POLR1B: variants seen among roughly 807,000 people sequenced by gnomAD.
POLR1B encodes RNA polymerase I subunit B.
In POLR1B, 30 loss-of-function variants were observed where a neutral mutation model predicts 105.8. The ratio of observed to expected loss-of-function variants is 0.28; its 90% CI spans 0.21 to 0.38. The LOEUF (loss-of-function observed/expected upper bound fraction) is 0.38. Among genes scored for constraint, POLR1B ranks in the 10% least tolerant of loss-of-function variants. The probability of loss-of-function intolerance (pLI) is 1.00; values close to 1 mark genes in which losing one functional copy is unlikely to be tolerated. For missense variants in POLR1B, 976 were observed against 1,435.8 expected (o/e 0.68, Z 5.17); for synonymous variants, 485 against 505.1 (o/e 0.96, Z 0.53).
intron 1 of POLR1B, among the ~76,000 whole-genome samples, chr2:112,544,129 A>T (rs187532146): frequency 1.9e-4 from 29 of 151,922 alleles, no homozygotes; most frequent in Admixed American, 1.8e-3. Flanking sequence ...GAAAAGCACT[A>T]ATTTAAAAAT....
At chr2:112,561,586 C>T (rs1300301855) in intron 9 of POLR1B, among the ~76,000 whole-genome samples, 2 of 151,992 alleles carry the variant, frequency 1.3e-5, no homozygotes, top group East Asian at 3.9e-4. Context: ...CTTCAAGCCT[C>T]GGGTTACAAC....
Position 112,573,574 on chromosome 2 carries a change from G to C in POLR1B, c.2284G>C (p.Ala762Pro). Reference sequence around the variant, plus strand: ...TTTTACTTCACAGATTGTGAATAAGGCCTCTTGGGAACGAGGCTTTGCCCA... The same window carrying C: ...TTTTACTTCACAGATTGTGAATAAGCCCTCTTGGGAACGAGGCTTTGCCCA... ...DMEDAMIVNK[A>P]SWERGFAHGS... The change falls in exon 14 of 15, where the codon GCC (alanine) becomes CCC (proline). Residue 762 changes from alanine to proline, a missense_variant. By Grantham distance (27) the Ala-to-Pro change is conservative (BLOSUM62 -1). This residue lies in a region of POLR1B where 119 missense variants were observed against 149.7 expected (regional missense o/e 0.79). Coordinates refer to ENST00000263331, the MANE Select transcript of POLR1B (RefSeq NM_019014.6). 3 of 1,613,552 alleles carry C rather than the reference G, an allele frequency of 1.9e-6. No individual in the cohort carries two copies. Among genetic ancestry groups the C allele is most frequent in the Non-Finnish European group, 2.5e-6 (3 of 1,179,800 alleles).
intron 1 of POLR1B, 47 bp from the exon 2 acceptor site, chr2:112,546,965 A>C (rs1313630510): frequency 6.3e-7 from 1 of 1,590,922 alleles, no homozygotes; most frequent in Admixed American, 1.7e-5. Flanking sequence ...TTAGAGAAAA[A>C]ATGCCTTGGA....
intron 1 of POLR1B, among the ~76,000 whole-genome samples, chr2:112,546,778 T>C (rs1422052662): frequency 6.6e-6 from 1 of 151,872 alleles, no homozygotes; most frequent in Non-Finnish European, 1.5e-5. Context: ...TTAGCCAGGA[T>C]GGTCTCGATC....
chr2:112,564,237 T>G, intron 9 of POLR1B, 129 bp from the exon 10 acceptor site: 1 of 1,106,222 alleles, frequency 9.0e-7, no homozygotes, highest in Non-Finnish European at 1.3e-6. Context: ...ATAATGCCTG[T>G]ACCTGTTTTA....
At position 112,568,799 on chromosome 2, in the gene POLR1B, A is replaced by G; in HGVS notation, c.1971A>G (p.Thr657=). 3 of 1,614,112 alleles carry G rather than the reference A, an allele frequency of 1.9e-6. No individual in the cohort carries two copies. Among genetic ancestry groups the G allele is most frequent in the Non-Finnish European group, 2.5e-6 (3 of 1,179,984 alleles). ...FEDEVFAGVT[T]HQELFPHSLL... ...ATGAAGTTTTTGCTGGAGTTACCAC[A>G]CACCAGGAACTCTTTCCACACAGCC... Residue 657 remains threonine, a synonymous_variant, in exon 12 of 15, where the codon ACA becomes ACG. Transcript: ENST00000263331.
intron 5 of POLR1B, 66 bp downstream of exon 5, chr2:112,551,068 T>C (rs914409504): frequency 2.1e-6 from 3 of 1,454,520 alleles, no homozygotes; most frequent in Middle Eastern, 1.8e-4. Flanking sequence ...CCTGTGCACA[T>C]TGGATGGATT....
chr2:112,565,936 TC>T (rs1325341691), intron 10 of POLR1B, among the ~76,000 whole-genome samples: 10 of 151,906 alleles, frequency 6.6e-5, no homozygotes, highest in Admixed American at 6.6e-4. Context: ...CAACCACCAG[TC>T]TTTTATTTTT....
chr2:112,563,065 T>C (rs1320687063), intron 9 of POLR1B, among the ~76,000 whole-genome samples: 2 of 148,478 alleles, frequency 1.3e-5, no homozygotes, highest in Admixed American at 1.3e-4. Context: ...TTTTTTCTTT[T>C]TTTTTTTGAA....
chr2:112,577,992 C>A lies in POLR1B; in HGVS notation c.*2263C>A, dbSNP rs114142755. 6.6e-6 allele frequency among the ~76,000 whole-genome samples: 1 copy of A among 152,182 alleles called. No homozygotes were observed. Among genetic ancestry groups the A allele is most frequent in the Non-Finnish European group, 1.5e-5 (1 of 68,034 alleles). The stretch of plus-strand genomic sequence containing the variant: ...GTTAAGAATCCCAACCACACACTTT[C>A]ACACACTATTCCAGGTTCTGGCTAC... On this transcript the variant is annotated 3_prime_UTR_variant, in exon 15 of 15. Coordinates refer to ENST00000263331, the MANE Select transcript of POLR1B (RefSeq NM_019014.6).
chr2:112,542,901 G>C (rs1177598642), intron 1 of POLR1B: 2 of 616,246 alleles, frequency 3.2e-6, no homozygotes, highest in African/African-American at 1.8e-5. Context: ...AAGTGATTGT[G>C]AACCGTAGTT....
chr2:112,542,107 G>A, upstream of POLR1B: 4 of 1,535,694 alleles, frequency 2.6e-6, no homozygotes, highest in Non-Finnish European at 3.5e-6. Flanking sequence ...AAACAGAAGA[G>A]AGCCTGAGAA....
chr2:112,558,737 G>A (rs1417256792), intron 8 of POLR1B, among the ~76,000 whole-genome samples: 10 of 151,904 alleles, frequency 6.6e-5, no homozygotes, highest in Non-Finnish European at 1.2e-4. Context: ...TCCGACGTCA[G>A]CCCCACGAGT....
intron 14 of POLR1B, among the ~76,000 whole-genome samples, 194 bp downstream of exon 14, chr2:112,574,009 C>A (rs1352406329): frequency 6.6e-6 from 1 of 151,964 alleles, no homozygotes; most frequent in Non-Finnish European, 1.5e-5. Context: ...CCATGCCCAG[C>A]TAATTTTTTG....
chr2:112,543,138 G>A (rs1190036399), intron 1 of POLR1B, among the ~76,000 whole-genome samples: 12 of 152,186 alleles, frequency 7.9e-5, no homozygotes, highest in Non-Finnish European at 1.8e-4. Context: ...AATTAAGCAG[G>A]TGCCGAGGAA....
chr2:112,551,072 A>G, intron 5 of POLR1B, 70 bp downstream of exon 5: 2 of 1,454,640 alleles, frequency 1.4e-6, no homozygotes, highest in Non-Finnish European at 1.9e-6. Context: ...TGCACATTGG[A>G]TGGATTCTCC....
rs1269558981 is a variant in POLR1B at position 112,570,760 on chromosome 2, T to C, written c.2075-1802T>C. On this transcript the variant is annotated intron_variant, in intron 12 of 14. Coordinates refer to ENST00000263331, the MANE Select transcript of POLR1B (RefSeq NM_019014.6). The stretch of plus-strand genomic sequence containing the variant: ...GCCTGTATTTTTCAAGTCCAGCACT[T>C]CTACTTGTTTCTTTTTTTTTTCTTT... Among the ~76,000 whole-genome samples the C allele has an allele frequency of 3.4e-5, 5 of 148,640 alleles. No individual in the cohort carries two copies. The East Asian group carries it at 1.0e-3, about 30-fold the overall frequency.
chr2:112,550,841 A>G (rs149363725), intron 4 of POLR1B, 25 bp from the exon 5 acceptor site: 1 of 1,609,954 alleles, frequency 6.2e-7, no homozygotes, highest in South Asian at 1.1e-5. Flanking sequence ...TGAGTTTCTG[A>G]TTTTTTTGTT....
At chr2:112,565,537 A>G (rs1375045708) in intron 10 of POLR1B, among the ~76,000 whole-genome samples, 3 of 152,064 alleles carry the variant, frequency 2.0e-5, no homozygotes, top group African/African-American at 7.2e-5. Context: ...CTGTCTCAGT[A>G]ATGCTCTCTT....
Sources: gnomAD v4.1 joint callset for allele counts (sites outside exome capture counted in the v4.1 genomes callset) on GRCh38, gnomAD v4.1.1 for gene constraint, gnomAD v4.1.1 regional missense constraint, MANE v1.5 for transcripts, NCBI Gene and HGNC (gene_info 2026-07-23, HGNC 2026-07-21) for gene names.